Variants in LINGO2 observed in about 807,000 individuals in gnomAD.
The protein encoded by LINGO2 is leucine rich repeat and Ig domain containing 2, also known as leucine-rich repeat and immunoglobulin-like domain-containing nogo receptor-interacting protein 2.
Under a neutral mutation model 30.6 loss-of-function variants are expected in LINGO2, and 14 were observed. The ratio of observed to expected loss-of-function variants is 0.46; its 90% confidence interval spans 0.30 to 0.72. The LOEUF (loss-of-function observed/expected upper bound fraction) is 0.72. Ranked by LOEUF, LINGO2 falls within the 30% of genes least tolerant of loss-of-function variation. The probability of loss-of-function intolerance (pLI) is 0.07; values close to 1 mark genes in which losing one functional copy is unlikely to be tolerated. For missense variants in LINGO2, 729 were observed against 751.7 expected (o/e 0.97, Z 0.35); for synonymous variants, 317 against 288.5 (o/e 1.10, Z -1.00).
intron 4 of LINGO2, among the ~76,000 whole-genome samples, chr9:28,245,965 C>G (rs1230739140): frequency 6.6e-6 from 1 of 152,104 alleles, no homozygotes; most frequent in Non-Finnish European, 1.5e-5. Context: ...CATGTGGAAT[C>G]AAAGTAGAAC....
At chr9:29,080,694 G>A in the LINGO2 span, among the ~76,000 whole-genome samples, 5 of 151,898 alleles carry the variant, frequency 3.3e-5, no homozygotes, top group East Asian at 1.9e-4. Context: ...CCTTCATTTC[G>A]TTATGTACCC....
At chr9:29,005,819 G>T in the LINGO2 span, among the ~76,000 whole-genome samples, 1 of 151,930 alleles carries the variant, frequency 6.6e-6, no homozygotes, top group Admixed American at 6.6e-5. Flanking sequence ...TCAAACCCAT[G>T]TTGTTCAAGG....
At chr9:28,425,838 C>T (rs1311267856) in intron 2 of LINGO2, among the ~76,000 whole-genome samples, 1 of 151,986 alleles carries the variant, frequency 6.6e-6, no homozygotes, top group East Asian at 1.9e-4. Flanking sequence ...TGGGAACTCT[C>T]TCAAAGAGAA....
At chr9:29,036,999 T>A in the LINGO2 span, among the ~76,000 whole-genome samples, 1 of 152,070 alleles carries the variant, frequency 6.6e-6, no homozygotes, top group Admixed American at 6.6e-5. Context: ...AATGGCTATT[T>A]TTGAAATCTA....
chr9:28,563,185 C>A lies in LINGO2; in HGVS notation c.-364-87160G>T, dbSNP rs531798254. ...TATTTTCATTTTATAGATGAGGGAA[C>A]TAACTTTCAGTGAGGTTAAATATTT... On this transcript the variant is annotated intron_variant, in intron 1 of 5. Coordinates refer to ENST00000379992, the Ensembl canonical transcript of LINGO2. Among the ~76,000 whole-genome samples, 295 of 152,014 alleles carry A rather than the reference C, an allele frequency of 1.9e-3. 2 individuals are homozygous for A. Among genetic ancestry groups the A allele is most frequent in the African/African-American group, 6.6e-3 (274 of 41,538 alleles).
At chr9:28,296,433 G>A (rs72617318) in intron 3 of LINGO2, among the ~76,000 whole-genome samples, 3 of 152,034 alleles carry the variant, frequency 2.0e-5, no homozygotes, top group Admixed American at 6.5e-5. Context: ...AAGTCTGTAG[G>A]GGGACTTGTG....
In LINGO2 at chr9:28,324,246, A is replaced by T. The variant is rs117820985; in HGVS notation, c.-245-28880T>A. On this transcript the variant is annotated intron_variant, in intron 3 of 5. Transcript: ENST00000379992. ...CGTTTGTTGGTGTTTTTAAAAAAAT[A>T]ATAGCCGTATCCCTTCCCCAAATTT... Among the ~76,000 whole-genome samples the T allele has an allele frequency of 2.2e-3, 334 of 152,240 alleles. 11 individuals carry two copies. The East Asian group carries it at 0.059, about 27-fold the overall frequency.
chr9:28,790,355 A>G, the LINGO2 span, among the ~76,000 whole-genome samples: 109,327 of 134,962 alleles, frequency 0.81, 44,256 homozygotes, highest in East Asian at 0.91. Flanking sequence ...TTGAGACGGA[A>G]TCTCGCTCTG....
the LINGO2 span, among the ~76,000 whole-genome samples, chr9:28,808,264 G>A: frequency 6.6e-6 from 1 of 152,136 alleles, no homozygotes; most frequent in Non-Finnish European, 1.5e-5. Flanking sequence ...AATGCCATCT[G>A]CTTATTTTCA....
At chr9:28,719,268 A>G in the LINGO2 span, among the ~76,000 whole-genome samples, 1 of 151,906 alleles carries the variant, frequency 6.6e-6, no homozygotes, top group African/African-American at 2.4e-5. Flanking sequence ...CTCTTCCACA[A>G]CGAACATGTT....
chr9:27,944,655 C>A (rs562691427), downstream of LINGO2, among the ~76,000 whole-genome samples: 1 of 152,026 alleles, frequency 6.6e-6, no homozygotes, highest in Non-Finnish European at 1.5e-5. Context: ...CCAAAGCCAA[C>A]GGTGGAAAAT....
chr9:28,717,298 GATTT>G, the LINGO2 span, among the ~76,000 whole-genome samples: 1 of 139,654 alleles, frequency 7.2e-6, no homozygotes, highest in Non-Finnish European at 1.5e-5. Flanking sequence ...AAAGTTACAA[GATTT>G]ATTTCCCATG....
At chr9:27,951,131 T>C (rs2383751) in intron 5 of LINGO2, among the ~76,000 whole-genome samples, 82,380 of 152,088 alleles carry the variant, frequency 0.54, 24,116 homozygotes, top group East Asian at 0.8. Flanking sequence ...ATCACTAATG[T>C]TTAGGATATC....
Position 28,378,050 on chromosome 9 carries a change from T to C in LINGO2, c.-278-5182A>G, listed in dbSNP as rs145026057. On this transcript the variant is annotated intron_variant, in intron 2 of 5. Coordinates refer to ENST00000379992, the Ensembl canonical transcript of LINGO2. ...CAACTCTTAATTCTAGATCAAATCA[T>C]TTATACTTTCTATTTAAGCATTTGT... is the stretch of plus-strand genomic sequence containing the variant. Among the ~76,000 whole-genome samples, 559 of 152,344 alleles carry C rather than the reference T, an allele frequency of 3.7e-3. 4 individuals carry two copies. The highest frequency in any genetic ancestry group is 0.013 in the African/African-American group (525 of 41,586).
At chr9:28,684,179 T>TTC in the LINGO2 span, among the ~76,000 whole-genome samples, 498 of 87,198 alleles carry the variant, frequency 5.7e-3, 7 homozygotes, top group Non-Finnish European at 8.7e-3. Context: ...GTTTATCTTT[T>TTC]TTTTTTTTTT....
chr9:28,797,329 CATATAT>C, the LINGO2 span, among the ~76,000 whole-genome samples: 438 of 65,908 alleles, frequency 6.6e-3, 7 homozygotes, highest in African/African-American at 0.018. Flanking sequence ...ATCATATATA[CATATAT>C]ATATATATAT....
chr9:28,498,116 T>G (rs533005269), intron 1 of LINGO2, among the ~76,000 whole-genome samples: 3 of 152,288 alleles, frequency 2.0e-5, no homozygotes, highest in African/African-American at 7.2e-5. Flanking sequence ...GGGACCCACT[T>G]GAGGAGGCAG....
At chr9:28,200,908 G>T (rs935288188) in intron 4 of LINGO2, among the ~76,000 whole-genome samples, 1 of 151,696 alleles carries the variant, frequency 6.6e-6, no homozygotes, top group Non-Finnish European at 1.5e-5. Context: ...ACAAAGAAAA[G>T]ATTAAAAATA....
chr9:28,919,978 TACG>T, the LINGO2 span, among the ~76,000 whole-genome samples: 75 of 152,274 alleles, frequency 4.9e-4, no homozygotes, highest in Middle Eastern at 6.8e-3. Context: ...GTAAAAATAC[TACG>T]ACATCACAAA....
Sources: allele counts gnomAD v4.1 joint callset (sites outside exome capture counted in the v4.1 genomes callset), GRCh38; gene constraint gnomAD v4.1.1; transcripts MANE v1.5; gene names NCBI Gene and HGNC (gene_info 2026-07-23, HGNC 2026-07-21).